Variants in EMID1 observed in about 807,000 individuals in gnomAD.
The protein encoded by EMID1 is EMI domain containing 1, also known as EMI domain-containing protein 1.
A neutral mutation model predicts 60.6 loss-of-function variants in EMID1; 40 were observed. The observed-to-expected ratio is 0.66, with a 90% CI of 0.51 to 0.86. The LOEUF (loss-of-function observed/expected upper bound fraction) is 0.86, where lower values mean the gene tolerates loss of function less well. Among genes scored for constraint, EMID1 ranks in the 40% least tolerant of loss-of-function variants. The pLI is 0.00. For missense variants in EMID1, 585 were observed against 597.1 expected (o/e 0.98, Z 0.21); for synonymous variants, 242 against 231.0 (o/e 1.05, Z -0.43).
chr22:29,254,383 G>T, intron 14 of EMID1, 96 bp downstream of exon 14: 1 of 1,222,128 alleles, frequency 8.2e-7, no homozygotes, highest in Non-Finnish European at 1.2e-6. Flanking sequence ...GCCCAGTCAT[G>T]AGGCTGGAGA....
At position 29,258,838 on chromosome 22, in the gene EMID1, C is replaced by T. The variant is rs773788593; in HGVS notation, c.1226C>T (p.Ala409Val). ...GCAGAACCAGAGCTGGGGTCTGGGG[C>T]GGGCCCTGCCGGCACAGGCACCCCC... ...GLYEPELGSGAGPAGTGTPSL... is the reference protein window; with the variant it reads ...GLYEPELGSGVGPAGTGTPSL... The change falls in exon 15 of 15, where the codon GCG (alanine) becomes GTG (valine). Residue 409 changes from alanine to valine, a missense_variant. Ala to Val is a moderately conservative substitution (Grantham distance 64). Transcript: ENST00000334018. 1.1e-5 allele frequency: 17 copies of T among 1,612,916 alleles called. No individual in the cohort carries two copies. Among genetic ancestry groups the T allele is most frequent in the African/African-American group, 4.0e-5 (3 of 74,914 alleles).
At chr22:29,218,314 C>T (rs79381182) in intron 3 of EMID1, among the ~76,000 whole-genome samples, 13,762 of 152,254 alleles carry the variant, frequency 0.09, 724 homozygotes, top group Non-Finnish European at 0.096. Context: ...AAGGACTTCA[C>T]GGCACTGGGC....
intron 13 of EMID1, among the ~76,000 whole-genome samples, chr22:29,250,726 C>CT (rs2041495871): frequency 9.9e-6 from 1 of 100,714 alleles, no homozygotes; most frequent in Non-Finnish European, 2.5e-5. Flanking sequence ...ACCACCACAC[C>CT]CGGCTAATTT....
intron 13 of EMID1, among the ~76,000 whole-genome samples, chr22:29,245,882 G>A (rs977004683): frequency 3.3e-5 from 5 of 152,156 alleles, no homozygotes; most frequent in Non-Finnish European, 7.3e-5. Context: ...TAAGTTCCTA[G>A]GGCCAGAGAA....
chr22:29,218,626 G>A (rs2146179458), intron 3 of EMID1, among the ~76,000 whole-genome samples: 1 of 152,278 alleles, frequency 6.6e-6, no homozygotes, highest in Non-Finnish European at 1.5e-5. Context: ...AAGAACCAAG[G>A]CCAGAATGCA....
At chr22:29,225,978 C>A (rs1197843803) in intron 4 of EMID1, among the ~76,000 whole-genome samples, 1 of 152,106 alleles carries the variant, frequency 6.6e-6, no homozygotes, top group African/African-American at 2.4e-5. Context: ...GTCCAGACTG[C>A]GCTGGGTGGG....
intron 14 of EMID1, 30 bp downstream of exon 14, chr22:29,254,317 G>T (rs2041631209): frequency 6.2e-7 from 1 of 1,603,402 alleles, no homozygotes; most frequent in East Asian, 2.2e-5. Flanking sequence ...CGGACAGACG[G>T]CCCAGCCCCT....
intron 13 of EMID1, among the ~76,000 whole-genome samples, chr22:29,244,433 C>CA (rs944350875): frequency 2.0e-5 from 3 of 151,624 alleles, no homozygotes; most frequent in Admixed American, 6.6e-5. Context: ...CTCTAAAATA[C>CA]AAAAAAATAC....
chr22:29,211,840 G>C (rs2039897657), intron 1 of EMID1, among the ~76,000 whole-genome samples: 2 of 152,194 alleles, frequency 1.3e-5, no homozygotes, highest in South Asian at 4.1e-4. Flanking sequence ...GTGTCACGTA[G>C]GCTCCAAGGA....
In EMID1 at chr22:29,243,440, T is replaced by G. The variant is rs1393542074; in HGVS notation, c.1075-5T>G. On this transcript the variant is annotated splice_region_variant and splice_polypyrimidine_tract_variant and intron_variant, in intron 12 of 14. Coordinates refer to ENST00000334018, the MANE Select transcript of EMID1 (RefSeq NM_133455.4). ...CACTGCTGCTATCTCTGTCTCTCCT[T>G]GCAGGGGGAACCTGGCCCTAAGGGA... The G allele has an allele frequency of 6.2e-7, 1 of 1,613,904 alleles. No homozygotes were observed. The highest frequency in any genetic ancestry group is 1.1e-5 in the South Asian group (1 of 91,062).
chr22:29,240,472 G>A (rs1167703310), intron 12 of EMID1, among the ~76,000 whole-genome samples: 1 of 151,898 alleles, frequency 6.6e-6, no homozygotes, highest in Non-Finnish European at 1.5e-5. Flanking sequence ...GTGCTAAAGG[G>A]TGGAAGGCTA....
At chr22:29,242,739 GT>G (rs1602020357) in intron 12 of EMID1, among the ~76,000 whole-genome samples, 1 of 152,162 alleles carries the variant, frequency 6.6e-6, no homozygotes, top group African/African-American at 2.4e-5. Context: ...AGAATCTCTG[GT>G]TTTGCTCTTA....
At position 29,215,555 on chromosome 22, in the gene EMID1, A is replaced by G; in HGVS notation, c.244A>G (p.Lys82Glu). ...SYRTVVRPTYKVMYKIVTARE... is the reference protein window; with the variant it reads ...SYRTVVRPTYEVMYKIVTARE... ...CAGAACTGTGGTGAGACCCACATAC[A>G]AGGTGATGTACAAGATAGTGACCGC... The change falls in exon 3 of 15, where the codon AAG becomes GAG. Residue 82 changes from lysine (K) to glutamate (E), a missense_variant. By Grantham distance (56) the Lys-to-Glu change is moderately conservative. Transcript: ENST00000334018. The G allele has an allele frequency of 6.2e-7, 1 of 1,614,018 alleles. No homozygotes were observed. Among genetic ancestry groups the G allele is most frequent in the Non-Finnish European group, 8.5e-7 (1 of 1,179,944 alleles).
At chr22:29,218,486 G>A (rs1261406066) in intron 3 of EMID1, among the ~76,000 whole-genome samples, 1 of 152,180 alleles carries the variant, frequency 6.6e-6, no homozygotes, top group East Asian at 1.9e-4. Context: ...AGGTCACTCG[G>A]CAGGTGAGAG....
At chr22:29,207,214 T>A (rs934640327) in intron 1 of EMID1, among the ~76,000 whole-genome samples, 3 of 152,128 alleles carry the variant, frequency 2.0e-5, no homozygotes, top group East Asian at 1.9e-4. Flanking sequence ...ACGGAGGTGG[T>A]TGAAGCATCA....
intron 13 of EMID1, among the ~76,000 whole-genome samples, chr22:29,244,468 G>A (rs1158208110): frequency 4.0e-5 from 6 of 151,860 alleles, no homozygotes; most frequent in African/African-American, 1.5e-4. Flanking sequence ...AGCCTTAAAG[G>A]TTTGGGCTAA....
intron 6 of EMID1, 96 bp downstream of exon 6, chr22:29,231,236 C>T: frequency 1.4e-6 from 2 of 1,477,794 alleles, no homozygotes; most frequent in Non-Finnish European, 1.8e-6. Context: ...TGACTCCCAA[C>T]TTAACCCTCT....
chr22:29,209,158 C>T (rs995466895), intron 1 of EMID1, among the ~76,000 whole-genome samples: 3 of 152,206 alleles, frequency 2.0e-5, no homozygotes, highest in Non-Finnish European at 2.9e-5. Flanking sequence ...TGTTCCGGAT[C>T]GCAGCCCTGG....
At chr22:29,243,547 G>T (rs2035533429) in intron 13 of EMID1, 58 bp downstream of exon 13, 2 of 1,603,588 alleles carry the variant, frequency 1.2e-6, no homozygotes, top group Non-Finnish European at 1.7e-6. Context: ...ATGCTCAAGA[G>T]AGTATTCCCT....
Sources: allele counts gnomAD v4.1 joint callset (sites outside exome capture counted in the v4.1 genomes callset), GRCh38; gene constraint gnomAD v4.1.1; transcripts MANE v1.5; gene names NCBI Gene and HGNC (gene_info 2026-07-23, HGNC 2026-07-21).